Variants in NEBL observed in about 807,000 individuals in gnomAD.
The protein encoded by NEBL is LIM and SH3 protein 2.
NEBL carries 122 observed loss-of-function variants against 140.2 expected under a neutral mutation model. The ratio of observed to expected loss-of-function variants is 0.87; its 90% CI spans 0.75 to 1.01. The LOEUF (loss-of-function observed/expected upper bound fraction) is 1.01, where lower values mean the gene tolerates loss of function less well. Among genes scored for constraint, NEBL ranks in the 50% least tolerant of loss-of-function variants. The pLI is 0.00. For missense variants in NEBL, 1,365 were observed against 1,231.3 expected (o/e 1.11, Z -1.62); for synonymous variants, 436 against 398.9 (o/e 1.09, Z -1.11).
At chr10:21,034,167 GAA>G (rs964552949) in intron 2 of NEBL, among the ~76,000 whole-genome samples, 2,013 of 33,040 alleles carry the variant, frequency 0.061, 10 homozygotes, top group African/African-American at 0.16. Context: ...ACCCTATCTC[GAA>G]AAAAAAAAAA....
intron 4 of NEBL, among the ~76,000 whole-genome samples, chr10:20,928,419 C>T (rs942003673): frequency 1.2e-4 from 18 of 152,226 alleles, no homozygotes; most frequent in Admixed American, 1.0e-3. Context: ...TTGCAGGCAC[C>T]ACAAGAGAAC....
At chr10:20,837,979 C>A (rs1475086794) in intron 13 of NEBL, among the ~76,000 whole-genome samples, 6 of 152,182 alleles carry the variant, frequency 3.9e-5, no homozygotes, top group Non-Finnish European at 8.8e-5. Flanking sequence ...TGTTCAGTTA[C>A]AATGCACCTG....
chr10:20,784,094 T>C lies in NEBL; in HGVS notation c.*1653A>G, dbSNP rs1835202667. The C allele has an allele frequency of 6.6e-6, 1 of 152,248 alleles. No individual in the cohort carries two copies. Among genetic ancestry groups the C allele is most frequent in the Non-Finnish European group, 1.5e-5 (1 of 68,042 alleles). 9.4% of individuals were successfully genotyped at this position (152,248 alleles called of 1,614,324 possible). On this transcript the variant is annotated 3_prime_UTR_variant, in exon 28 of 28. Transcript: ENST00000377122. ...GTAAACGTTTCCTTAAACGATGTTT[T>C]ACAGGATGTTTTGTTAATTTCCTTG...
chr10:21,086,235 G>T (rs1836623095), intron 2 of NEBL, among the ~76,000 whole-genome samples: 1 of 152,124 alleles, frequency 6.6e-6, no homozygotes, highest in Admixed American at 6.5e-5. Flanking sequence ...GAAGTGTTTA[G>T]AAATATCCCA....
At chr10:20,806,043 A>G (rs1461580780) in intron 26 of NEBL, among the ~76,000 whole-genome samples, 1 of 152,128 alleles carries the variant, frequency 6.6e-6, no homozygotes, top group African/African-American at 2.4e-5. Flanking sequence ...ATTTGCCTAT[A>G]CCTTCTTCCA....
chr10:20,831,562 C>T lies in NEBL; in HGVS notation c.1471G>A (p.Glu491Lys), dbSNP rs760351477. The change falls in exon 15 of 28, where the codon GAG (glutamate) becomes AAG (lysine). Residue 491 changes from glutamate to lysine, a missense_variant. Physicochemically the swap from Glu to Lys is moderately conservative, Grantham distance 56 (BLOSUM62 1). Coordinates refer to ENST00000377122, the MANE Select transcript of NEBL (RefSeq NM_006393.3). ...ASEKDYKRDL[E>K]TEIKGKGMQV... ...ATCCCTTTCCCTTTAATTTCAGTCTCCAGATCTCTTTTATAGTCTTTCTGC... is the reference window on the plus strand; with the variant it reads ...ATCCCTTTCCCTTTAATTTCAGTCTTCAGATCTCTTTTATAGTCTTTCTGC... 2 of 1,608,722 alleles carry T rather than the reference C, an allele frequency of 1.2e-6. No homozygotes were observed. Among genetic ancestry groups the T allele is most frequent in the Non-Finnish European group, 1.7e-6 (2 of 1,175,954 alleles).
At chr10:21,104,927 T>A (rs576566177) in intron 2 of NEBL, among the ~76,000 whole-genome samples, 88 of 152,316 alleles carry the variant, frequency 5.8e-4, no homozygotes, top group African/African-American at 2.0e-3. Flanking sequence ...AGAGTTATTA[T>A]CAAGAATTGA....
chr10:21,223,097 G>A (rs965160837), intron 3 of NEBL, among the ~76,000 whole-genome samples: 6 of 152,098 alleles, frequency 3.9e-5, no homozygotes, highest in Admixed American at 2.6e-4. Context: ...ATAAATTATT[G>A]TTGACTTTAG....
chr10:21,145,920 C>T (rs924607208), intron 2 of NEBL, among the ~76,000 whole-genome samples: 1 of 152,174 alleles, frequency 6.6e-6, no homozygotes. Flanking sequence ...TGGACCGCAG[C>T]TCGGGCCCAT....
intron 16 of NEBL, among the ~76,000 whole-genome samples, chr10:20,829,598 T>C (rs1439051293): frequency 6.6e-6 from 1 of 150,504 alleles, no homozygotes. Flanking sequence ...ATAATAAAAT[T>C]AAAAAAAAAG....
chr10:21,281,660 A>G (rs1007309081), intron 1 of NEBL, among the ~76,000 whole-genome samples: 4 of 151,856 alleles, frequency 2.6e-5, no homozygotes, highest in Admixed American at 2.6e-4. Context: ...ACATAAACCT[A>G]CGTTAACATA....
At chr10:21,198,043 C>T (rs572969339) in intron 3 of NEBL, among the ~76,000 whole-genome samples, 1 of 152,216 alleles carries the variant, frequency 6.6e-6, no homozygotes, top group South Asian at 2.1e-4. Context: ...GCAAACCCTG[C>T]TGTCTCGGTG....
intron 2 of NEBL, among the ~76,000 whole-genome samples, chr10:21,077,384 C>CA (rs1043585499): frequency 1.2e-4 from 19 of 152,090 alleles, no homozygotes; most frequent in African/African-American, 4.6e-4. Context: ...GCGGGTGGGT[C>CA]ACAAGGTCAG....
chr10:21,160,914 T>C (rs1394719644), intron 2 of NEBL, among the ~76,000 whole-genome samples: 1 of 151,986 alleles, frequency 6.6e-6, no homozygotes, highest in Non-Finnish European at 1.5e-5. Flanking sequence ...TGGTCTGATG[T>C]CTCAAACACA....
At chr10:20,916,799 T>G (rs1934678) in intron 4 of NEBL, among the ~76,000 whole-genome samples, 1 of 152,044 alleles carries the variant, frequency 6.6e-6, no homozygotes, top group African/African-American at 2.4e-5. Flanking sequence ...CTCAAGGCAA[T>G]AGGCTATTTT....
At chr10:20,942,568 T>C (rs1834930688) in intron 4 of NEBL, among the ~76,000 whole-genome samples, 2 of 151,984 alleles carry the variant, frequency 1.3e-5, no homozygotes, top group African/African-American at 2.4e-5. Flanking sequence ...GCAATGGCAA[T>C]AAAAGCCAAA....
intron 3 of NEBL, among the ~76,000 whole-genome samples, chr10:20,969,567 A>G (rs1836478569): frequency 7.5e-6 from 1 of 133,512 alleles, no homozygotes; most frequent in South Asian, 2.4e-4. Context: ...TTTTTTTGAG[A>G]CAGAGTCTCT....
intron 4 of NEBL, among the ~76,000 whole-genome samples, chr10:20,923,543 G>T (rs1218706511): frequency 6.6e-6 from 1 of 151,430 alleles, no homozygotes; most frequent in Non-Finnish European, 1.5e-5. Context: ...GCCGGGCATA[G>T]TGGCACAAGC....
intron 26 of NEBL, among the ~76,000 whole-genome samples, chr10:20,796,134 C>CG (rs1364937103): frequency 1.3e-5 from 2 of 151,864 alleles, no homozygotes. Flanking sequence ...GAGGCTGAGG[C>CG]GGGCGGATCA....
Sources: allele counts gnomAD v4.1 joint callset (sites outside exome capture counted in the v4.1 genomes callset), GRCh38; gene constraint gnomAD v4.1.1; transcripts MANE v1.5; gene names NCBI Gene and HGNC (gene_info 2026-07-23, HGNC 2026-07-21).